ASMTL: variants seen among roughly 807,000 people sequenced by gnomAD.
The protein encoded by ASMTL is acetylserotonin O-methyltransferase like.
ASMTL carries 57 observed loss-of-function variants against 60.3 expected under a neutral mutation model. The observed-to-expected ratio is 0.95, with a 90% CI of 0.76 to 1.18. The LOEUF (loss-of-function observed/expected upper bound fraction) is 1.18. Ranked by LOEUF, ASMTL falls within the 50% of genes most tolerant of loss-of-function variation. The probability of loss-of-function intolerance (pLI) is 0.00; values close to 1 mark genes in which losing one functional copy is unlikely to be tolerated. For missense variants in ASMTL, 981 were observed against 852.6 expected, an observed-to-expected ratio of 1.15 and a Z score of -1.88; for synonymous variants, 419 against 373.0, an observed-to-expected ratio of 1.12 and a Z score of -1.42.
rs1277203729 is a variant in ASMTL, at chrX:1,438,002, A to T, written c.273+1095T>A. 2.0e-4 allele frequency among the ~76,000 whole-genome samples: 30 copies of T among 151,640 alleles called. No homozygotes were observed. In the East Asian group the frequency reaches 3.1e-3, roughly 16 times the overall value. On this transcript the variant is annotated intron_variant, in intron 3 of 12. Coordinates refer to ENST00000381317, the MANE Select transcript of ASMTL (RefSeq NM_004192.4). ...GTGGTGTTGTTAAAAGAAGGGGAAAATTTCAGCCGGGCGCGGTGGCTCACG... is the reference window on the plus strand; with the variant it reads ...GTGGTGTTGTTAAAAGAAGGGGAAATTTTCAGCCGGGCGCGGTGGCTCACG...
chrX:1,429,536 G>A (rs2090710784), intron 6 of ASMTL, among the ~76,000 whole-genome samples: 1 of 151,960 alleles, frequency 6.6e-6, no homozygotes, highest in East Asian at 1.9e-4. Context: ...TGGGCTGGGC[G>A]CGGTGGCTCC....
chrX:1,415,638 G>A lies in ASMTL; in HGVS notation c.1522+2335C>T, dbSNP rs760101493. ...CCGCCACCACGCCCGGCTAATTTTT[G>A]TATTTTTAGTAGAGATGGGGTTTCG... On this transcript the variant is annotated intron_variant, in intron 11 of 12. Coordinates refer to ENST00000381317, the MANE Select transcript of ASMTL (RefSeq NM_004192.4). Among the ~76,000 whole-genome samples, 11 of 151,946 alleles carry A rather than the reference G, an allele frequency of 7.2e-5. 1 individual carries two copies. In the South Asian group the frequency reaches 1.2e-3, roughly 17 times the overall value.
intron 12 of ASMTL, among the ~76,000 whole-genome samples, chrX:1,410,723 T>A (rs1422786734): frequency 7.2e-6 from 1 of 139,348 alleles, no homozygotes; most frequent in Non-Finnish European, 1.6e-5. Flanking sequence ...CAGAAAAAAC[T>A]TCTTAAAAAA....
At chrX:1,416,225 GCAGACATGCACAGATGGGCACAGA>G (rs1569532039) in intron 11 of ASMTL, among the ~76,000 whole-genome samples, 3 of 128,940 alleles carry the variant, frequency 2.3e-5, no homozygotes, top group African/African-American at 8.9e-5. Flanking sequence ...ACACACAGAC[GCAGACATGCACAGATGGGCACAGA>G]CAGACACGCA....
chrX:1,407,952 C>A (rs1166381062), intron 12 of ASMTL, among the ~76,000 whole-genome samples: 5 of 152,068 alleles, frequency 3.3e-5, no homozygotes, highest in Non-Finnish European at 7.4e-5. Flanking sequence ...TGTCTTTAAC[C>A]CCAGCATTTT....
At chrX:1,444,399 G>C (rs1337425437) in intron 1 of ASMTL, among the ~76,000 whole-genome samples, 1 of 151,878 alleles carries the variant, frequency 6.6e-6, no homozygotes, top group Non-Finnish European at 1.5e-5. Context: ...AATAGAGATG[G>C]GGTTTCACCA....
In ASMTL at chrX:1,451,896, G is replaced by A. The variant is rs1183298091; in HGVS notation, c.93+852C>T. 8.9e-4 allele frequency among the ~76,000 whole-genome samples: 127 copies of A among 141,984 alleles called. 1 individual carries two copies. The highest frequency in any genetic ancestry group is 2.4e-4 in the Non-Finnish European group (16 of 65,524). 93.1% of individuals were successfully genotyped at this position (141,984 alleles called of 152,430 possible). ...GCTGTCCCCATCCCTAGCGGTCCTG[G>A]GTCACTCCTCCCTCCCCATCCCTAG... On this transcript the variant is annotated intron_variant, in intron 1 of 12. Transcript: ENST00000381317.
chrX:1,453,161 G>C (rs1294269847), upstream of ASMTL, among the ~76,000 whole-genome samples: 1 of 136,546 alleles, frequency 7.3e-6, no homozygotes, highest in Admixed American at 7.3e-5. Context: ...TGCCCTCTCC[G>C]TCAGGCCACG....
At chrX:1,430,330 C>A (rs376532229) in intron 6 of ASMTL, among the ~76,000 whole-genome samples, 21 of 152,098 alleles carry the variant, frequency 1.4e-4, no homozygotes, top group African/African-American at 4.8e-4. Flanking sequence ...AATCTTGTAT[C>A]CTTTGACCAA....
chrX:1,434,778 G>A (rs1343975710), intron 5 of ASMTL, among the ~76,000 whole-genome samples: 3 of 143,584 alleles, frequency 2.1e-5, no homozygotes, highest in Non-Finnish European at 4.5e-5. Flanking sequence ...CTGGGTAAGA[G>A]AGCGAGACTC....
chrX:1,419,305 G>T (rs1347572771), intron 9 of ASMTL, 191 bp from the exon 10 acceptor site: 1 of 194,720 alleles, frequency 5.1e-6, no homozygotes, highest in African/African-American at 2.4e-5. Flanking sequence ...GGGCTGGCTG[G>T]GGACAGAGGA....
At chrX:1,414,362 T>G (rs2090157185) in intron 11 of ASMTL, among the ~76,000 whole-genome samples, 1 of 152,152 alleles carries the variant, frequency 6.6e-6, no homozygotes, top group East Asian at 1.9e-4. Flanking sequence ...GTGGGAAGTC[T>G]CCAGAGCTGT....
At chrX:1,427,372 T>C (rs1187549940) in intron 7 of ASMTL, among the ~76,000 whole-genome samples, 7 of 151,992 alleles carry the variant, frequency 4.6e-5, no homozygotes, top group African/African-American at 2.4e-5. Flanking sequence ...AAAGGGGTCT[T>C]GGCAGATGTA....
At chrX:1,428,333 A>AG (rs2090672223) in intron 6 of ASMTL, 2 of 189,716 alleles carry the variant, frequency 1.1e-5, no homozygotes, top group South Asian at 3.6e-4. Context: ...AAAAAAAAAA[A>AG]AAAAAAGAAA....
chrX:1,434,397 G>T (rs184741032), intron 5 of ASMTL, among the ~76,000 whole-genome samples: 1 of 151,862 alleles, frequency 6.6e-6, no homozygotes, highest in Non-Finnish European at 1.5e-5. Context: ...GGCTGAGGCG[G>T]GAGGATCGCT....
intron 8 of ASMTL, among the ~76,000 whole-genome samples, chrX:1,424,592 C>G (rs1376899561): frequency 6.6e-6 from 1 of 151,550 alleles, no homozygotes; most frequent in African/African-American, 2.4e-5. Context: ...AGCCACCCAT[C>G]CACTCACCCA....
intron 5 of ASMTL, among the ~76,000 whole-genome samples, chrX:1,434,190 C>A (rs1399737011): frequency 6.6e-6 from 1 of 152,108 alleles, no homozygotes; most frequent in East Asian, 1.9e-4. Flanking sequence ...GGGCCGGGCA[C>A]CGTGGTGCAC....
At chrX:1,452,123 ACT>A (rs1350318781) in intron 1 of ASMTL, among the ~76,000 whole-genome samples, 1 of 94,130 alleles carries the variant, frequency 1.1e-5, no homozygotes. Flanking sequence ...GTCCTGGGTC[ACT>A]CTCCCCAACC....
Position 1,421,803 on chromosome X carries a change from G to C in ASMTL, c.1100C>G (p.Ser367Trp). 6.2e-7 allele frequency: 1 copy of C among 1,613,816 alleles called. No individual in the cohort carries two copies. ...NTETANVYLA[S>W]DGEYSLHGFI... ...GCCGTGCAGAGAGTATTCGCCATCC[G>C]ATGCCAGGTAGACGTTCGCTGTCTC... is the stretch of plus-strand genomic sequence containing the variant. Residue 367 changes from serine to tryptophan, a missense_variant, in exon 9 of 13, where the codon TCG (serine) becomes TGG (tryptophan). Ser to Trp is a radical substitution (Grantham distance 177). Coordinates refer to ENST00000381317, the MANE Select transcript of ASMTL (RefSeq NM_004192.4).
Sources: gnomAD v4.1 joint callset for allele counts (sites outside exome capture counted in the v4.1 genomes callset) on GRCh38, gnomAD v4.1.1 for gene constraint, MANE v1.5 for transcripts, NCBI Gene and HGNC (gene_info 2026-07-23, HGNC 2026-07-21) for gene names.